The following OR7C1 variants were observed in gnomAD, a reference collection of about 807,000 sequenced individuals.
OR7C1 encodes olfactory receptor family 7 subfamily C member 1, also known as olfactory receptor 7C1.
For missense variants in OR7C1, 324 were observed against 383.3 expected (o/e 0.85, Z 1.29); for synonymous variants, 152 against 160.7 (o/e 0.95, Z 0.41).
chr19:14,798,960 G>C (rs1349173786), exon 5 of OR7C1: 5 of 487,442 alleles, frequency 1.0e-5, no homozygotes, highest in Non-Finnish European at 1.7e-5. Context: ...TTCTTTGTTA[G>C]AAAAGAAATG....
chr19:14,828,700 C>T (rs922879956), intron 1 of OR7C1, among the ~76,000 whole-genome samples: 16 of 128,560 alleles, frequency 1.2e-4, no homozygotes, highest in Admixed American at 8.1e-4. Flanking sequence ...GCAGAAGTTG[C>T]AGTGAGCTGA....
intron 1 of OR7C1, among the ~76,000 whole-genome samples, chr19:14,813,606 A>T (rs2044701891): frequency 6.6e-6 from 1 of 152,150 alleles, no homozygotes; most frequent in Non-Finnish European, 1.5e-5. Context: ...AAAAGGTTTA[A>T]TTGCCTCACA....
At chr19:14,821,811 C>T (rs2044742337) in intron 1 of OR7C1, among the ~76,000 whole-genome samples, 1 of 152,268 alleles carries the variant, frequency 6.6e-6, no homozygotes, top group African/African-American at 2.4e-5. Flanking sequence ...TCCTCCACAC[C>T]TGTGTTAGCA....
chr19:14,804,892 G>A (rs533509581), intron 2 of OR7C1, among the ~76,000 whole-genome samples: 2 of 151,564 alleles, frequency 1.3e-5, no homozygotes, highest in Non-Finnish European at 2.9e-5. Context: ...TTTTTTTTGA[G>A]ACAAGGTCTT....
At chr19:14,799,103 G>T in exon 5 of OR7C1, 1 of 1,505,852 alleles carries the variant, frequency 6.6e-7, no homozygotes, top group Admixed American at 2.3e-5. Flanking sequence ...AGAACTAAAA[G>T]AGAATACATT....
chr19:14,802,587 C>G (rs1478293644), intron 2 of OR7C1, among the ~76,000 whole-genome samples: 1 of 152,164 alleles, frequency 6.6e-6, no homozygotes, highest in Non-Finnish European at 1.5e-5. Context: ...AGGAGCTTAC[C>G]TTTACCTACC....
At chr19:14,807,531 T>C (rs2044671295) in intron 2 of OR7C1, among the ~76,000 whole-genome samples, 1 of 151,906 alleles carries the variant, frequency 6.6e-6, no homozygotes, top group Admixed American at 6.5e-5. Context: ...AGCTGATATA[T>C]CTTGGAAAAC....
intron 1 of OR7C1, among the ~76,000 whole-genome samples, chr19:14,830,558 C>T (rs1201079655): frequency 2.6e-5 from 4 of 152,102 alleles, no homozygotes; most frequent in South Asian, 2.1e-4. Flanking sequence ...CGATGCCTGG[C>T]AAAATAAATA....
chr19:14,807,541 C>T lies in OR7C1; in HGVS notation c.-435+2265G>A, dbSNP rs117051038. 8.6e-4 allele frequency among the ~76,000 whole-genome samples: 130 copies of T among 151,990 alleles called. 1 individual carries two copies. In the East Asian group the frequency reaches 0.02, roughly 23 times the overall value. ...CCCTTAGCTGATATATCTTGGAAAA[C>T]AACACATTAAAGATGGGGCAGCAGA... On this transcript the variant is annotated intron_variant, in intron 2 of 4. Coordinates refer to ENST00000641666, the Ensembl canonical transcript of OR7C1.
At chr19:14,833,563 G>T (rs991859048) in intron 1 of OR7C1, among the ~76,000 whole-genome samples, 1 of 152,142 alleles carries the variant, frequency 6.6e-6, no homozygotes, top group Non-Finnish European at 1.5e-5. Flanking sequence ...CTTAACTAAG[G>T]CAATAATTGC....
chr19:14,814,074 A>G (rs987327509), intron 1 of OR7C1, among the ~76,000 whole-genome samples: 2 of 152,128 alleles, frequency 1.3e-5, no homozygotes, highest in African/African-American at 4.8e-5. Context: ...TAGAGCTACT[A>G]GATGAAAACA....
rs368950783 is a variant in OR7C1, at chr19:14,828,268, A to G, written c.-623+6806T>C. ...TGATTGAAGTGACTATCAGAGAGAG[A>G]GAGAGAAAGAGGGAAACGAGACAGG... On this transcript the variant is annotated intron_variant, in intron 1 of 4. Transcript: ENST00000641666. 2.6e-5 allele frequency: 41 copies of G among 1,580,488 alleles called. No homozygotes were observed. The African/African-American group carries it at 5.3e-4, about 20-fold the overall frequency.
chr19:14,803,856 C>T (rs182826243), intron 2 of OR7C1, among the ~76,000 whole-genome samples: 31 of 151,890 alleles, frequency 2.0e-4, no homozygotes, highest in African/African-American at 6.8e-4. Flanking sequence ...ACTACAGGCG[C>T]GTGCCACAAA....
chr19:14,830,332 A>G (rs1358971388), intron 1 of OR7C1, among the ~76,000 whole-genome samples: 4 of 152,208 alleles, frequency 2.6e-5, no homozygotes, highest in Admixed American at 6.5e-5. Context: ...CAATAAACAG[A>G]GTGAGAGAAA....
intron 2 of OR7C1, among the ~76,000 whole-genome samples, chr19:14,805,320 C>G (rs192206239): frequency 6.6e-6 from 1 of 151,520 alleles, no homozygotes; most frequent in Non-Finnish European, 1.5e-5. Context: ...GACCCTGGTG[C>G]CTTCTGTAAT....
intron 1 of OR7C1, chr19:14,827,343 G>T: frequency 6.3e-7 from 1 of 1,595,118 alleles, no homozygotes; most frequent in Non-Finnish European, 8.5e-7. Context: ...TATTCCCAGA[G>T]CCCTCTTTAT....
chr19:14,803,687 A>C (rs1308087741), intron 2 of OR7C1, among the ~76,000 whole-genome samples: 1 of 151,510 alleles, frequency 6.6e-6, no homozygotes, highest in Non-Finnish European at 1.5e-5. Flanking sequence ...TACCCTCCCT[A>C]TCTACCTAAA....
chr19:14,818,535 G>A (rs1399640284), intron 1 of OR7C1, among the ~76,000 whole-genome samples: 1 of 152,208 alleles, frequency 6.6e-6, no homozygotes, highest in African/African-American at 2.4e-5. Flanking sequence ...TAATCGATTA[G>A]TGGGTTTGTT....
At chr19:14,822,373 CTTTTTTTTTTTTTTTT>C (rs1162241411) in intron 1 of OR7C1, among the ~76,000 whole-genome samples, 3 of 67,722 alleles carry the variant, frequency 4.4e-5, no homozygotes, top group South Asian at 6.8e-4. Flanking sequence ...TATCTCCTGT[CTTTTTTTTTTTTTTTT>C]TTTTTTTTTT....
Sources: gnomAD v4.1 joint callset for allele counts (sites outside exome capture counted in the v4.1 genomes callset) on GRCh38, gnomAD v4.1.1 for gene constraint, MANE v1.5 for transcripts, NCBI Gene and HGNC (gene_info 2026-07-23, HGNC 2026-07-21) for gene names.